The following TBC1D10B variants were observed in gnomAD, a reference collection of about 807,000 sequenced individuals.
The protein encoded by TBC1D10B is TBC1 domain family member 10B, also known as Rab27A-GAPbeta.
In TBC1D10B, 25 loss-of-function variants were observed where a neutral mutation model predicts 78.4. The observed-to-expected ratio is 0.32, with a 90% CI of 0.23 to 0.45. TBC1D10B has a LOEUF of 0.45. TBC1D10B is among the 20% of genes least tolerant of loss of function. The pLI, the probability that TBC1D10B is intolerant of heterozygous loss-of-function variation, is 1.00. For synonymous variants in TBC1D10B, 517 were observed against 478.0 expected (o/e 1.08, Z -1.06); for missense variants, 996 against 1,104.8 (o/e 0.90, Z 1.40).
rs116125734 is a variant in TBC1D10B, at chr16:30,363,359, G to A, written c.1271+1541C>T. ...TTCTGTCCTTGTCTCCCTATAGTCT[G>A]TTCTCAGCATGGTAGCCAGAATGAC... On this transcript the variant is annotated intron_variant, in intron 4 of 8. Coordinates refer to ENST00000409939, the MANE Select transcript of TBC1D10B (RefSeq NM_015527.4). Among the ~76,000 whole-genome samples the A allele has an allele frequency of 4.9e-3, 742 of 152,276 alleles. 7 individuals carry two copies. The highest frequency in any genetic ancestry group is 0.017 in the African/African-American group (700 of 41,538).
intron 4 of TBC1D10B, among the ~76,000 whole-genome samples, chr16:30,364,220 C>G (rs2151101977): frequency 6.6e-6 from 1 of 152,154 alleles, no homozygotes; most frequent in Non-Finnish European, 1.5e-5. Flanking sequence ...GCGGGCAGAT[C>G]ACTTGAGGTT....
rs980698356 is a variant in TBC1D10B, at chr16:30,359,383, A to G, written c.1453-22T>C. The G allele has an allele frequency of 1.9e-6, 3 of 1,556,528 alleles. No individual in the cohort carries two copies. The African/African-American group carries it at 4.1e-5, about 21-fold the overall frequency. On this transcript the variant is annotated intron_variant, in intron 6 of 8. Coordinates refer to ENST00000409939, the MANE Select transcript of TBC1D10B (RefSeq NM_015527.4). ...CCTCCTGCAGGTGGGACAAGCCATG[A>G]GAAGAGGGCCAAGTCAGCTGTGCCC...
At chr16:30,364,836 T>C (rs1449027961) in intron 4 of TBC1D10B, 64 bp downstream of exon 4, 4 of 1,466,666 alleles carry the variant, frequency 2.7e-6, no homozygotes, top group Non-Finnish European at 3.7e-6. Context: ...TGTATCCACC[T>C]AGCTAAAAGG....
Position 30,359,298 on chromosome 16 carries a change from G to A in TBC1D10B, c.1516C>T (p.His506Tyr). Residue 506 changes from histidine to tyrosine, a missense_variant, in exon 7 of 9, where the codon CAT becomes TAT. By Grantham distance (83) the His-to-Tyr change is moderately conservative. This residue lies in a region of TBC1D10B where 168 missense variants were observed against 238.7 expected (regional missense o/e 0.70). Coordinates refer to ENST00000409939, the MANE Select transcript of TBC1D10B (RefSeq NM_015527.4). ...ALLRRASPLA[H>Y]RHLRRQRIDP... ...ATGCGCTGCCGCCGCAGGTGGCGAT[G>A]CGCCAGCGGGGAGGCCCGGCGCAGG... The A allele has an allele frequency of 1.2e-6, 2 of 1,604,484 alleles. No individual in the cohort carries two copies. Among genetic ancestry groups the A allele is most frequent in the South Asian group, 1.1e-5 (1 of 89,616 alleles).
In TBC1D10B at chr16:30,358,049, A is replaced by G. The variant is rs1435961429; in HGVS notation, c.2322T>C (p.Ala774=). 1 of 1,551,638 alleles carries G rather than the reference A, an allele frequency of 6.4e-7. No homozygotes were observed. The highest frequency in any genetic ancestry group is 1.4e-5 in the African/African-American group (1 of 73,020). ...GACGCAGCGAAAGCTTCCGGCCTTG[A>G]GCCTTCTTCTCCTGCTTCTGCCGCT... The part of the protein sequence containing the change: ...EKERQKQEKK[A]QGRKLSLRRK... Residue 774 remains alanine, a synonymous_variant, in exon 9 of 9, where the codon GCT becomes GCC. Transcript: ENST00000409939.
chr16:30,357,228 G>T lies in TBC1D10B; in HGVS notation c.*716C>A. The T allele has an allele frequency of 6.5e-6, 1 of 153,520 alleles. No homozygotes were observed. The allele number at this position is 153,520 out of a possible 1,614,324, so 9.5% of individuals were successfully genotyped here. On this transcript the variant is annotated 3_prime_UTR_variant, in exon 9 of 9. Transcript: ENST00000409939. ...TCAAGGGAAGACCCTTACCCAGATAGGGACTAACTGGAGGGGTGGAAGGGA... is the reference window on the plus strand; with the variant it reads ...TCAAGGGAAGACCCTTACCCAGATATGGACTAACTGGAGGGGTGGAAGGGA...
chr16:30,358,629 G>A (rs912927338), intron 8 of TBC1D10B, 34 bp downstream of exon 8: 2 of 1,589,324 alleles, frequency 1.3e-6, no homozygotes, highest in African/African-American at 1.3e-5. Context: ...GCGGGCTGAG[G>A]CAGGCAGGGG....
rs745394639 is a variant in TBC1D10B, at chr16:30,359,612, A to T, written c.1387-9T>A. 1.3e-5 allele frequency: 20 copies of T among 1,558,980 alleles called. No individual in the cohort carries two copies. The African/African-American group carries it at 2.5e-4, about 19-fold the overall frequency. On this transcript the variant is annotated splice_polypyrimidine_tract_variant and intron_variant, in intron 5 of 8. Coordinates refer to ENST00000409939, the MANE Select transcript of TBC1D10B (RefSeq NM_015527.4). ...AGGCACCAAAAGGCTTGCTGAGAAG[A>T]GCAAGAACAAGGAGGAGGGGTGGGG...
chr16:30,369,449 G>C lies in TBC1D10B; in HGVS notation c.735C>G (p.Asp245Glu), dbSNP rs764515914. Residue 245 changes from aspartate to glutamate, a missense_variant, in exon 1 of 9, where the codon GAC (aspartate) becomes GAG (glutamate). Asp to Glu is a conservative substitution (Grantham distance 45). Coordinates refer to ENST00000409939, the MANE Select transcript of TBC1D10B (RefSeq NM_015527.4). The surrounding 1 kb of genome is among the most constrained non-coding windows in gnomAD (Gnocchi z 4.3). ...PAPEPAENSQ[D>E]LGSTSSLGPG... ...GTCCCAGGCTGGACGTGGAGCCCAG[G>C]TCTTGAGAGTTTTCAGCAGGCTCCG... 4.5e-6 allele frequency: 7 copies of C among 1,554,192 alleles called. No homozygotes were observed. In the South Asian group the frequency reaches 8.3e-5, roughly 18 times the overall value.
In TBC1D10B at chr16:30,365,316, AG is replaced by A; in HGVS notation, c.1057-105del. The A allele has an allele frequency of 8.0e-7, 1 of 1,251,066 alleles. No homozygotes were observed. The highest frequency in any genetic ancestry group is 1.1e-6 in the Non-Finnish European group (1 of 870,158). 77.5% of individuals were successfully genotyped at this position (1,251,066 alleles called of 1,614,324 possible). On this transcript the variant is annotated intron_variant, in intron 2 of 8. Coordinates refer to ENST00000409939, the MANE Select transcript of TBC1D10B (RefSeq NM_015527.4). The surrounding 1 kb of genome is among the most constrained non-coding windows in gnomAD (Gnocchi z 5.0). ...CCTGGATACTCCTCCGACATCCCAT[AG>A]GCTTGATTCCACTGGACCTGGCCTG...
At chr16:30,362,335 A>C (rs1392601071) in intron 4 of TBC1D10B, among the ~76,000 whole-genome samples, 1 of 152,234 alleles carries the variant, frequency 6.6e-6, no homozygotes, top group Non-Finnish European at 1.5e-5. Flanking sequence ...TGTTCAATCC[A>C]GAGGTCAATT....
intron 4 of TBC1D10B, among the ~76,000 whole-genome samples, chr16:30,361,319 C>T (rs1297092827): frequency 2.0e-5 from 3 of 152,128 alleles, no homozygotes; most frequent in Non-Finnish European, 4.4e-5. Flanking sequence ...TCTCTTTACC[C>T]CTCTCTTCCC....
In TBC1D10B at chr16:30,365,914, T is replaced by G. The variant is rs747317406; in HGVS notation, c.957-320A>C. 4.7e-5 allele frequency: 15 copies of G among 319,900 alleles called. No homozygotes were observed. Among genetic ancestry groups the G allele is most frequent in the Non-Finnish European group, 8.5e-5 (14 of 165,446 alleles). The allele number at this position is 319,900 out of a possible 1,614,324, so 19.8% of individuals were successfully genotyped here. A position where few individuals can be genotyped will look rare whatever the true frequency, so the allele number is the denominator to read the frequency against. ...CGTCCTAGCTTTACCATTTATTCAT[T>G]GTGTGACCTTGGGCAAATCACTTAA... is the stretch of plus-strand genomic sequence containing the variant. On this transcript the variant is annotated intron_variant, in intron 1 of 8. Coordinates refer to ENST00000409939, the MANE Select transcript of TBC1D10B (RefSeq NM_015527.4). This position sits in a 1 kb window ranked among gnomAD's most constrained non-coding sequence, Gnocchi z 5.0.
At chr16:30,368,633 G>A (rs2049655937) in intron 1 of TBC1D10B, among the ~76,000 whole-genome samples, 1 of 152,048 alleles carries the variant, frequency 6.6e-6, no homozygotes, top group African/African-American at 2.4e-5. Context: ...TGGGGAAGAG[G>A]CCTCTCCCAC....
Position 30,370,175 on chromosome 16 carries a change from C to A in TBC1D10B, c.9G>T (p.Thr3=), listed in dbSNP as rs1284675686. The A allele has an allele frequency of 4.3e-6, 5 of 1,173,574 alleles. No individual in the cohort carries two copies. The highest frequency in any genetic ancestry group is 1.6e-5 in the African/African-American group (1 of 61,978). 72.7% of individuals were successfully genotyped at this position (1,173,574 alleles called of 1,614,324 possible). A position where few individuals can be genotyped will look rare whatever the true frequency, so the allele number is the denominator to read the frequency against. Residue 3 remains threonine, a synonymous_variant, in exon 1 of 9, where the codon ACG becomes ACT. Coordinates refer to ENST00000409939, the MANE Select transcript of TBC1D10B (RefSeq NM_015527.4). ME[T]GTAPLVAPPR... ...GCGGGGCCACCAGGGGCGCCGTGCC[C>A]GTCTCCATGGCCGCGGGCCGCCCCT...
At chr16:30,364,327 G>A (rs1349579924) in intron 4 of TBC1D10B, among the ~76,000 whole-genome samples, 1 of 151,944 alleles carries the variant, frequency 6.6e-6, no homozygotes, top group African/African-American at 2.4e-5. Context: ...TATAATCCCA[G>A]CTACTCAGGA....
intron 1 of TBC1D10B, among the ~76,000 whole-genome samples, chr16:30,368,547 C>T (rs2049655105): frequency 1.3e-5 from 2 of 152,150 alleles, no homozygotes; most frequent in African/African-American, 4.8e-5. Context: ...CAGAGGCAAT[C>T]ACCCCCTACC....
Position 30,365,869 on chromosome 16 carries a change from T to G in TBC1D10B, c.957-275A>C. 1 of 411,896 alleles carries G rather than the reference T, an allele frequency of 2.4e-6. No individual in the cohort carries two copies. The highest frequency in any genetic ancestry group is 3.6e-5 in the Admixed American group (1 of 27,596). 25.5% of individuals were successfully genotyped at this position (411,896 alleles called of 1,614,324 possible). A position where few individuals can be genotyped will look rare whatever the true frequency, so the allele number is the denominator to read the frequency against. ...GTATGGAGTATTTTAAAGCCACATT[T>G]TGCATTAGATCTGGATCCACGTCCT... is the stretch of plus-strand genomic sequence containing the variant. On this transcript the variant is annotated intron_variant, in intron 1 of 8. Transcript: ENST00000409939. The surrounding 1 kb of genome is among the most constrained non-coding windows in gnomAD (Gnocchi z 5.0).
chr16:30,358,802 A>G lies in TBC1D10B; in HGVS notation c.1658T>C (p.Phe553Ser). Residue 553 changes from phenylalanine to serine, a missense_variant, in exon 8 of 9, where the codon TTC becomes TCC. This residue lies in a region of TBC1D10B where 168 missense variants were observed against 238.7 expected (regional missense o/e 0.70). Transcript: ENST00000409939. ...MFFCEGVKII[F>S]RVALVLLRHT... ...GCGCAGCAGGACCAGGGCCACCCGG[A>G]AGATGATCTTAACGCCTGCAGGGGT... 6.2e-7 allele frequency: 1 copy of G among 1,608,470 alleles called. No homozygotes were observed. Among genetic ancestry groups the G allele is most frequent in the Non-Finnish European group, 8.5e-7 (1 of 1,177,842 alleles).
Sources: gnomAD v4.1 joint callset for allele counts (sites outside exome capture counted in the v4.1 genomes callset) on GRCh38, gnomAD v4.1.1 for gene constraint, gnomAD v4.1.1 regional missense constraint, Gnocchi (gnomAD v3.1) non-coding constraint, MANE v1.5 for transcripts, NCBI Gene and HGNC (gene_info 2026-07-23, HGNC 2026-07-21) for gene names.